IQUB: variants seen among roughly 807,000 people sequenced by gnomAD.
IQUB encodes IQ motif and ubiquitin domain containing.
Under a neutral mutation model 86.4 loss-of-function variants are expected in IQUB, and 86 were observed. The ratio of observed to expected loss-of-function variants is 1.00; its 90% confidence interval spans 0.84 to 1.19. IQUB has a LOEUF of 1.19. Among genes scored for constraint, IQUB ranks in the 50% most tolerant of loss-of-function variants. IQUB has a pLI of 0.00. For synonymous variants in IQUB, 289 were observed against 304.5 expected (o/e 0.95, Z 0.53); for missense variants, 946 against 916.9 (o/e 1.03, Z -0.41).
At chr7:123,471,301 T>C (rs896493278) in intron 8 of IQUB, among the ~76,000 whole-genome samples, 3 of 152,192 alleles carry the variant, frequency 2.0e-5, no homozygotes, top group African/African-American at 7.2e-5. Context: ...TAAATGCATA[T>C]AGCCTTATTT....
chr7:123,529,517 A>G (rs895407113), intron 1 of IQUB, among the ~76,000 whole-genome samples: 4 of 151,294 alleles, frequency 2.6e-5, no homozygotes, highest in Non-Finnish European at 5.9e-5. Flanking sequence ...TTTTTTAAGA[A>G]TCAGTTTTTA....
intron 9 of IQUB, among the ~76,000 whole-genome samples, chr7:123,468,181 G>C (rs1487071390): frequency 6.6e-6 from 1 of 152,188 alleles, no homozygotes; most frequent in Non-Finnish European, 1.5e-5. Context: ...GACCTCTCAA[G>C]ATGCAAGTCA....
At chr7:123,523,214 T>C (rs1194935538) in intron 1 of IQUB, among the ~76,000 whole-genome samples, 5 of 143,476 alleles carry the variant, frequency 3.5e-5, no homozygotes, top group Non-Finnish European at 7.6e-5. Flanking sequence ...TTTGGAAATA[T>C]ACCCAGTAAT....
intron 1 of IQUB, among the ~76,000 whole-genome samples, chr7:123,523,227 G>A (rs1242067993): frequency 7.6e-6 from 1 of 132,266 alleles, no homozygotes; most frequent in African/African-American, 2.8e-5. Flanking sequence ...CCAGTAATGG[G>A]ATGGCTGGGT....
intron 9 of IQUB, among the ~76,000 whole-genome samples, chr7:123,466,597 A>C (rs996963198): frequency 7.9e-5 from 12 of 152,142 alleles, no homozygotes; most frequent in African/African-American, 2.7e-4. Context: ...CCATTTACCC[A>C]ATTATTTAAT....
At chr7:123,522,422 A>G (rs1796949558) in intron 1 of IQUB, among the ~76,000 whole-genome samples, 1 of 152,238 alleles carries the variant, frequency 6.6e-6, no homozygotes, top group African/African-American at 2.4e-5. Context: ...TACTAGCTAT[A>G]TGACTTTGAG....
intron 7 of IQUB, 148 bp downstream of exon 7, chr7:123,496,548 G>T: frequency 3.7e-6 from 2 of 535,128 alleles, no homozygotes; most frequent in South Asian, 2.8e-5. Context: ...CAAATATAAA[G>T]TGGTATTCAT....
chr7:123,519,994 T>C (rs1796830377), intron 1 of IQUB, among the ~76,000 whole-genome samples: 1 of 144,794 alleles, frequency 6.9e-6, no homozygotes, highest in South Asian at 2.2e-4. Context: ...AAATTTTTAT[T>C]GGGTACCTAC....
chr7:123,532,664 C>G (rs984208642), intron 1 of IQUB: 6 of 152,130 alleles, frequency 3.9e-5, no homozygotes, highest in Admixed American at 2.6e-4. Flanking sequence ...AAAAAGAACC[C>G]TAAAAAGCAA....
intron 10 of IQUB, among the ~76,000 whole-genome samples, chr7:123,461,836 T>C (rs541722011): frequency 6.6e-6 from 1 of 151,874 alleles, no homozygotes; most frequent in Non-Finnish European, 1.5e-5. Flanking sequence ...AAATCTGTTA[T>C]TCATCAGTTC....
intron 10 of IQUB, among the ~76,000 whole-genome samples, 173 bp from the exon 11 acceptor site, chr7:123,461,778 G>GA (rs376380804): frequency 6.6e-6 from 1 of 151,578 alleles, no homozygotes; most frequent in African/African-American, 2.4e-5. Flanking sequence ...TTATCCTACA[G>GA]AAAATCTAAA....
At chr7:123,490,076 A>G (rs1420490525) in intron 7 of IQUB, among the ~76,000 whole-genome samples, 3 of 151,998 alleles carry the variant, frequency 2.0e-5, no homozygotes, top group Non-Finnish European at 1.5e-5. Context: ...TAAATAGTCT[A>G]AACATCCAAA....
At chr7:123,471,330 T>A (rs1006491905) in intron 8 of IQUB, among the ~76,000 whole-genome samples, 14 of 152,198 alleles carry the variant, frequency 9.2e-5, no homozygotes. Context: ...CCTCAGAGTG[T>A]TACTGAAGTT....
At chr7:123,521,427 G>A (rs377260059) in intron 1 of IQUB, among the ~76,000 whole-genome samples, 507 of 152,054 alleles carry the variant, frequency 3.3e-3, no homozygotes, top group African/African-American at 0.012. Flanking sequence ...CAGATCTCTC[G>A]AGCCTAGGAA....
At position 123,503,070 on chromosome 7, in the gene IQUB, G is replaced by C; in HGVS notation, c.741C>G (p.Asp247Glu). ...QQVPVEIVKS[D>E]FHKPFLGGFR... ...ATCCACCAAGAAATGGTTTGTGAAA[G>C]TCAGATTTGACAATCTCAACAGGTA... The change falls in exon 5 of 13, where the codon GAC (aspartate) becomes GAG (glutamate). Residue 247 changes from aspartate to glutamate, a missense_variant. By Grantham distance (45) the Asp-to-Glu change is conservative (BLOSUM62 2). Coordinates refer to ENST00000324698, the MANE Select transcript of IQUB (RefSeq NM_178827.5). 5.0e-6 allele frequency: 8 copies of C among 1,613,390 alleles called. No individual in the cohort carries two copies. The highest frequency in any genetic ancestry group is 6.8e-6 in the Non-Finnish European group (8 of 1,179,680).
At chr7:123,475,719 T>A (rs996125483) in intron 8 of IQUB, among the ~76,000 whole-genome samples, 1 of 152,076 alleles carries the variant, frequency 6.6e-6, no homozygotes, top group South Asian at 2.1e-4. Context: ...TAAAGAAAGG[T>A]GACACCCATC....
chr7:123,476,011 T>C (rs1794731478), intron 8 of IQUB, among the ~76,000 whole-genome samples: 1 of 152,218 alleles, frequency 6.6e-6, no homozygotes, highest in African/African-American at 2.4e-5. Flanking sequence ...TTGATGATAC[T>C]TGGAATACAA....
chr7:123,455,884 T>C (rs1472037184), intron 12 of IQUB, among the ~76,000 whole-genome samples: 1 of 152,164 alleles, frequency 6.6e-6, no homozygotes, highest in East Asian at 1.9e-4. Flanking sequence ...GAGATCAATC[T>C]GCTCCACTTA....
chr7:123,514,971 T>TA (rs1280855005), intron 1 of IQUB, among the ~76,000 whole-genome samples: 3 of 151,898 alleles, frequency 2.0e-5, no homozygotes, highest in Non-Finnish European at 2.9e-5. Flanking sequence ...CTATAAGCAA[T>TA]AAAAAACAGA....
Sources: gnomAD v4.1 joint callset for allele counts (sites outside exome capture counted in the v4.1 genomes callset) on GRCh38, gnomAD v4.1.1 for gene constraint, MANE v1.5 for transcripts, NCBI Gene and HGNC (gene_info 2026-07-23, HGNC 2026-07-21) for gene names.